Variants in ENTPD1 observed in about 807,000 individuals in gnomAD.
ENTPD1 encodes ATP diphosphohydrolase.
Under a neutral mutation model 57.0 loss-of-function variants are expected in ENTPD1, and 33 were observed. That is an observed-to-expected ratio of 0.58 (90% CI 0.44 to 0.77). The LOEUF is 0.77. Among genes scored for constraint, ENTPD1 ranks in the 30% least tolerant of loss-of-function variants. The pLI, the probability that ENTPD1 is intolerant of heterozygous loss-of-function variation, is 0.00. For synonymous variants in ENTPD1, 202 were observed against 218.8 expected, an observed-to-expected ratio of 0.92 and a Z score of 0.68; for missense variants, 501 against 603.4, an observed-to-expected ratio of 0.83 and a Z score of 1.78.
chr10:95,801,100 T>C (rs2098247715), intron 1 of ENTPD1, among the ~76,000 whole-genome samples: 1 of 152,246 alleles, frequency 6.6e-6, no homozygotes, highest in Non-Finnish European at 1.5e-5. Flanking sequence ...TAAATGTCCA[T>C]GAAATCTTCA....
At position 95,870,337 on chromosome 10, in the gene ENTPD1, T is replaced by A; in HGVS notation, c.*3954T>A. 1.0e-6 allele frequency: 1 copy of A among 962,468 alleles called. No individual in the cohort carries two copies. The highest frequency in any genetic ancestry group is 1.2e-6 in the Non-Finnish European group (1 of 809,072). The allele number at this position is 962,468 out of a possible 1,614,324, so 59.6% of individuals were successfully genotyped here. ...TCTTGCTCTGTTGCCCAGGCTGGAA[T>A]GCAGTGGCATGATCATGGCTCACTG... On this transcript the variant is annotated 3_prime_UTR_variant, in exon 10 of 10. Coordinates refer to ENST00000371205, the MANE Select transcript of ENTPD1 (RefSeq NM_001776.6).
intron 1 of ENTPD1, among the ~76,000 whole-genome samples, chr10:95,800,956 A>G (rs2098246928): frequency 6.6e-6 from 1 of 152,246 alleles, no homozygotes; most frequent in South Asian, 2.1e-4. Flanking sequence ...AAGAGATTAA[A>G]GACAGGCATA....
intron 1 of ENTPD1, among the ~76,000 whole-genome samples, chr10:95,724,619 C>T (rs915446749): frequency 3.3e-5 from 5 of 152,170 alleles, no homozygotes; most frequent in South Asian, 2.1e-4. Flanking sequence ...GGAACAATGG[C>T]GAGCCTTTAG....
At chr10:95,702,137 TAAAC>T in the ENTPD1 span, among the ~76,000 whole-genome samples, 3 of 152,002 alleles carry the variant, frequency 2.0e-5, no homozygotes, top group African/African-American at 7.2e-5. Context: ...TGTGAAAAGA[TAAAC>T]AGACAAATGT....
chr10:95,850,075 G>C (rs2098442287), intron 7 of ENTPD1, among the ~76,000 whole-genome samples: 2 of 152,198 alleles, frequency 1.3e-5, no homozygotes, highest in Admixed American at 6.5e-5. Context: ...CTTTGAATGT[G>C]ATTCATCCAA....
chr10:95,788,792 C>T (rs1235326332), intron 1 of ENTPD1, among the ~76,000 whole-genome samples: 1 of 152,008 alleles, frequency 6.6e-6, no homozygotes, highest in African/African-American at 2.4e-5. Flanking sequence ...GTTTAATTTT[C>T]TTATATATTA....
At chr10:95,749,165 T>C (rs2098009173) in intron 1 of ENTPD1, among the ~76,000 whole-genome samples, 1 of 152,232 alleles carries the variant, frequency 6.6e-6, no homozygotes, top group African/African-American at 2.4e-5. Flanking sequence ...CTGGAATACT[T>C]TAAAGACACT....
chr10:95,702,478 A>C, the ENTPD1 span, among the ~76,000 whole-genome samples: 1 of 152,238 alleles, frequency 6.6e-6, no homozygotes, highest in Non-Finnish European at 1.5e-5. Flanking sequence ...TTGAAAATTC[A>C]GAAAAGAATG....
chr10:95,823,434 ATAAGG>A lies in ENTPD1; in HGVS notation c.144+73_144+77del, dbSNP rs955300331. ...TCTGGGTGGGACAGGGGGAGGAGGG[ATAAGG>A]TATGTAGAGCATAGGGGACGAGTTG... is the stretch of plus-strand genomic sequence containing the variant. On this transcript the variant is annotated intron_variant, in intron 2 of 9. Coordinates refer to ENST00000371205, the MANE Select transcript of ENTPD1 (RefSeq NM_001776.6). 1.2e-5 allele frequency: 19 copies of A among 1,607,016 alleles called. No individual in the cohort carries two copies. In the African/African-American group the frequency reaches 2.4e-4, roughly 20 times the overall value.
upstream of ENTPD1, among the ~76,000 whole-genome samples, chr10:95,711,535 A>G (rs942249497): frequency 1.3e-5 from 2 of 152,134 alleles, no homozygotes; most frequent in Admixed American, 6.5e-5. Context: ...AGGGTCTCAC[A>G]CTGTCACTCG....
In ENTPD1 at chr10:95,868,613, C is replaced by A; in HGVS notation, c.*2230C>A. 1 of 984,490 alleles carries A rather than the reference C, an allele frequency of 1.0e-6. No homozygotes were observed. The highest frequency in any genetic ancestry group is 1.2e-6 in the Non-Finnish European group (1 of 829,074). The allele number at this position is 984,490 out of a possible 1,614,324, so 61.0% of individuals were successfully genotyped here. A position where few individuals can be genotyped will look rare whatever the true frequency, so the allele number is the denominator to read the frequency against. ...CATGCACACAATCTATTCTGACCCT[C>A]ACAACAACCCATAAGGGTGTAAATA... is the stretch of plus-strand genomic sequence containing the variant. On this transcript the variant is annotated 3_prime_UTR_variant, in exon 10 of 10. Transcript: ENST00000371205.
At position 95,876,656 on chromosome 10, in the gene ENTPD1, C is replaced by CTGT. The variant is rs2098486067; in HGVS notation, c.*10273_*10274insTGT. On this transcript the variant is annotated 3_prime_UTR_variant, in exon 10 of 10. Transcript: ENST00000371205. ...TGTATTTGGCTGTCTTCTGGACAGG[C>CTGT]CATTCTAATAACAGAAACAAACAAG... 1 of 1,226,936 alleles carries CTGT rather than the reference C, an allele frequency of 8.2e-7. No homozygotes were observed. Among genetic ancestry groups the CTGT allele is most frequent in the Admixed American group, 4.2e-5 (1 of 23,578 alleles). 76.0% of individuals were successfully genotyped at this position (1,226,936 alleles called of 1,614,324 possible). A position where few individuals can be genotyped will look rare whatever the true frequency, so the allele number is the denominator to read the frequency against.
At chr10:95,712,128 C>G (rs906455038) in intron 1 of ENTPD1, 4 of 1,342,960 alleles carry the variant, frequency 3.0e-6, no homozygotes, top group Non-Finnish European at 4.2e-6. Flanking sequence ...ATTTGTGTGA[C>G]TAGTTTTGGG....
At chr10:95,733,296 G>A (rs763325892) in intron 1 of ENTPD1, among the ~76,000 whole-genome samples, 13 of 152,218 alleles carry the variant, frequency 8.5e-5, no homozygotes, top group South Asian at 4.2e-4. Flanking sequence ...AATGGTTATC[G>A]CCCTTGTTCC....
Position 95,760,814 on chromosome 10 carries a change from C to CTTTTTTTTTT in ENTPD1, c.16+4583_16+4592dup, listed in dbSNP as rs71034350. ...TGGAGTAAATTACATAGAGTTTATT[C>CTTTTTTTTTT]TTTTTTTTTTTTTTTTTTTTTTTTT... is the stretch of plus-strand genomic sequence containing the variant. On this transcript the variant is annotated intron_variant, in intron 1 of 9. Coordinates refer to ENST00000371205, the MANE Select transcript of ENTPD1 (RefSeq NM_001776.6). Among the ~76,000 whole-genome samples the CTTTTTTTTTT allele has an allele frequency of 5.0e-3, 313 of 62,964 alleles. 67 individuals carry two copies. The highest frequency in any genetic ancestry group is 7.8e-3 in the African/African-American group (117 of 14,910). 41.3% of individuals were successfully genotyped at this position (62,964 alleles called of 152,430 possible).
chr10:95,778,567 G>C (rs2098143283), intron 1 of ENTPD1, among the ~76,000 whole-genome samples: 1 of 152,120 alleles, frequency 6.6e-6, no homozygotes, highest in Non-Finnish European at 1.5e-5. Context: ...GATAAAATTT[G>C]ACATTTTGCT....
the ENTPD1 span, among the ~76,000 whole-genome samples, chr10:95,703,129 G>T: frequency 6.6e-6 from 1 of 151,988 alleles, no homozygotes; most frequent in Non-Finnish European, 1.5e-5. Context: ...ATAAAAAGTA[G>T]AATATCTTTA....
chr10:95,738,061 A>C (rs2097996519), intron 1 of ENTPD1, among the ~76,000 whole-genome samples: 1 of 152,204 alleles, frequency 6.6e-6, no homozygotes, highest in Non-Finnish European at 1.5e-5. Context: ...AAGGGAGGGA[A>C]GATGAAGGAG....
chr10:95,755,559 C>T (rs1430056748), upstream of ENTPD1: 13 of 705,604 alleles, frequency 1.8e-5, no homozygotes, highest in Non-Finnish European at 3.0e-5. Flanking sequence ...CATAGCCAGG[C>T]AGCGGTTCCC....
Sources: gnomAD v4.1 joint callset for allele counts (sites outside exome capture counted in the v4.1 genomes callset) on GRCh38, gnomAD v4.1.1 for gene constraint, MANE v1.5 for transcripts, NCBI Gene and HGNC (gene_info 2026-07-23, HGNC 2026-07-21) for gene names.